AEBP2: variants seen among roughly 807,000 people sequenced by gnomAD.
AEBP2 encodes zinc finger protein AEBP2.
Under a neutral mutation model 50.8 loss-of-function variants are expected in AEBP2, and 10 were observed. That is an observed-to-expected ratio of 0.20 (90% CI 0.12 to 0.33). AEBP2 has a LOEUF of 0.33. Ranked by LOEUF, AEBP2 falls within the 10% of genes least tolerant of loss-of-function variation. The pLI, the probability that AEBP2 is intolerant of heterozygous loss-of-function variation, is 1.00. For synonymous variants in AEBP2, 296 were observed against 261.3 expected, an observed-to-expected ratio of 1.13 and a Z score of -1.28; for missense variants, 570 against 688.0, an observed-to-expected ratio of 0.83 and a Z score of 1.92.
intron 3 of AEBP2, among the ~76,000 whole-genome samples, chr12:19,477,255 G>A (rs1319329099): frequency 6.6e-6 from 1 of 152,088 alleles, no homozygotes; most frequent in East Asian, 1.9e-4. Flanking sequence ...AGCAAACAGC[G>A]ACAGTTTTAT....
At chr12:19,455,213 G>C (rs1210582326) in intron 1 of AEBP2, among the ~76,000 whole-genome samples, 1 of 151,330 alleles carries the variant, frequency 6.6e-6, no homozygotes, top group Non-Finnish European at 1.5e-5. Flanking sequence ...GGTTGCTCTT[G>C]AACTTCCAGC....
chr12:19,512,174 A>G (rs1232659033), intron 5 of AEBP2, among the ~76,000 whole-genome samples: 6 of 151,982 alleles, frequency 3.9e-5, no homozygotes, highest in African/African-American at 1.4e-4. Context: ...GAAGCCCACC[A>G]CCACTCCCGG....
rs60355570 is a variant in AEBP2 at position 19,485,948 on chromosome 12, CTTT to C, written c.988-7834_988-7832del. On this transcript the variant is annotated intron_variant, in intron 3 of 7. Coordinates refer to ENST00000266508, the MANE Select transcript of AEBP2 (RefSeq NM_153207.5). The stretch of plus-strand genomic sequence containing the variant: ...AGGTGATGTTTGAGGTGAGCCTCTG[CTTT>C]TTTTTTTTTTTTTTTTTCATTTTGT... Among the ~76,000 whole-genome samples, 177 of 91,220 alleles carry C rather than the reference CTTT, an allele frequency of 1.9e-3. 1 individual carries two copies. Among genetic ancestry groups the C allele is most frequent in the Admixed American group, 0.011 (92 of 8,320 alleles). 59.8% of individuals were successfully genotyped at this position (91,220 alleles called of 152,430 possible). A position where few individuals can be genotyped will look rare whatever the true frequency, so the allele number is the denominator to read the frequency against.
At chr12:19,438,686 C>G (rs1034070287), upstream of AEBP2, among the ~76,000 whole-genome samples, 5 of 152,058 alleles carry the variant, frequency 3.3e-5, no homozygotes, top group African/African-American at 4.8e-5. Context: ...ATTTTTATTA[C>G]AAGTAAGACG....
chr12:19,500,013 T>G (rs1411472864), intron 4 of AEBP2, 84 bp from the exon 5 acceptor site: 1 of 1,205,680 alleles, frequency 8.3e-7, no homozygotes, highest in Non-Finnish European at 1.2e-6. Context: ...TTGATAGATA[T>G]GTATTTGTTA....
At chr12:19,416,214 C>A (rs2095742502) in intron 1 of AEBP2, among the ~76,000 whole-genome samples, 2 of 152,078 alleles carry the variant, frequency 1.3e-5, no homozygotes, top group Admixed American at 1.3e-4. Flanking sequence ...CAAAACCCAA[C>A]TTTGGTTACT....
chr12:19,444,079 T>C (rs1472869900), intron 1 of AEBP2, among the ~76,000 whole-genome samples: 1 of 152,208 alleles, frequency 6.6e-6, no homozygotes, highest in Non-Finnish European at 1.5e-5. Context: ...GAACTTTTTT[T>C]CTCTTCAGTG....
chr12:19,412,073 G>T (rs2095739500), intron 1 of AEBP2, among the ~76,000 whole-genome samples: 1 of 152,256 alleles, frequency 6.6e-6, no homozygotes, highest in South Asian at 2.1e-4. Flanking sequence ...GCAAGGCTGA[G>T]TTCTTCTTAT....
intron 2 of AEBP2, among the ~76,000 whole-genome samples, chr12:19,463,109 A>T (rs905163206): frequency 6.6e-6 from 1 of 152,146 alleles, no homozygotes; most frequent in Non-Finnish European, 1.5e-5. Flanking sequence ...TGGGGAGACT[A>T]TTGGTACCAG....
intron 4 of AEBP2, among the ~76,000 whole-genome samples, chr12:19,496,543 G>GT (rs1426028935): frequency 2.0e-5 from 3 of 151,922 alleles, no homozygotes; most frequent in African/African-American, 7.3e-5. Flanking sequence ...ACTTTACCTA[G>GT]TATCTTCCTC....
At chr12:19,503,881 G>A (rs1363108112) in intron 5 of AEBP2, among the ~76,000 whole-genome samples, 2 of 151,950 alleles carry the variant, frequency 1.3e-5, no homozygotes, top group Non-Finnish European at 2.9e-5. Flanking sequence ...ATCCAGGCTG[G>A]AGTGCAGTGG....
chr12:19,521,712 C>G lies in AEBP2; in HGVS notation c.*3595C>G, dbSNP rs1356937285. ...CCTTAGTGCTTTTTTCCCCCTTTTA[C>G]ACATTAATAAAATGTTTTAAATATG... On this transcript the variant is annotated 3_prime_UTR_variant, in exon 8 of 8. Coordinates refer to ENST00000266508, the MANE Select transcript of AEBP2 (RefSeq NM_153207.5). 6.6e-6 allele frequency: 1 copy of G among 151,964 alleles called. No individual in the cohort carries two copies. Among genetic ancestry groups the G allele is most frequent in the African/African-American group, 2.4e-5 (1 of 41,400 alleles). 9.4% of individuals were successfully genotyped at this position (151,964 alleles called of 1,614,324 possible).
intron 3 of AEBP2, among the ~76,000 whole-genome samples, chr12:19,476,037 C>A (rs1948644422): frequency 6.6e-6 from 1 of 152,026 alleles, no homozygotes; most frequent in Admixed American, 6.6e-5. Context: ...CTGATTATTT[C>A]TTTTTATGTG....
chr12:19,470,085 A>G (rs1311044327), intron 2 of AEBP2, among the ~76,000 whole-genome samples: 3 of 152,190 alleles, frequency 2.0e-5, no homozygotes, highest in African/African-American at 7.2e-5. Context: ...ATTTTTATCA[A>G]AACGTCGTCC....
upstream of AEBP2, among the ~76,000 whole-genome samples, chr12:19,438,325 A>G (rs1258754056): frequency 1.3e-5 from 2 of 152,228 alleles, no homozygotes; most frequent in Non-Finnish European, 2.9e-5. Context: ...ATATAATGCG[A>G]AAGGCATTCA....
Position 19,440,178 on chromosome 12 carries a change from A to G in AEBP2, c.479A>G (p.Glu160Gly), listed in dbSNP as rs746711559. ...GGGGACGGCAAGGAGGGCCTGGAGGAGCCCAAGGGACCGCGGGGCAGCCAG... is the reference window on the plus strand; with the variant it reads ...GGGGACGGCAAGGAGGGCCTGGAGGGGCCCAAGGGACCGCGGGGCAGCCAG... ...GDGDGKEGLE[E>G]PKGPRGSQGG... Residue 160 changes from glutamate to glycine, a missense_variant, in exon 1 of 8, where the codon GAG (glutamate) becomes GGG (glycine). Around this residue, in one of 2 missense-constraint regions of AEBP2, gnomAD observed 386 missense variants for 336.8 expected, o/e 1.15. Coordinates refer to ENST00000266508, the MANE Select transcript of AEBP2 (RefSeq NM_153207.5). 9.5e-6 allele frequency: 14 copies of G among 1,471,716 alleles called. 1 individual carries two copies. The South Asian group carries it at 1.9e-4, about 19-fold the overall frequency. 91.2% of individuals were successfully genotyped at this position (1,471,716 alleles called of 1,614,324 possible). A position where few individuals can be genotyped will look rare whatever the true frequency, so the allele number is the denominator to read the frequency against.
intron 5 of AEBP2, among the ~76,000 whole-genome samples, chr12:19,501,793 G>GTTTTTTTT (rs1204632203): frequency 2.8e-4 from 10 of 35,212 alleles, no homozygotes; most frequent in African/African-American, 7.0e-4. Flanking sequence ...ATAAAAATGA[G>GTTTTTTTT]TTTGTTTTTT....
Position 19,518,684 on chromosome 12 carries a change from A to T in AEBP2, c.*567A>T. On this transcript the variant is annotated 3_prime_UTR_variant, in exon 8 of 8. Coordinates refer to ENST00000266508, the MANE Select transcript of AEBP2 (RefSeq NM_153207.5). ...TTGTGTTCTTTTGCAGAACTCTGAT[A>T]AGAAAAGTGTTCAATTTGTATTTAA... is the stretch of plus-strand genomic sequence containing the variant. 1.4e-6 allele frequency: 2 copies of T among 1,480,540 alleles called. No individual in the cohort carries two copies. The highest frequency in any genetic ancestry group is 1.8e-6 in the Non-Finnish European group (2 of 1,096,744). The allele number at this position is 1,480,540 out of a possible 1,614,324, so 91.7% of individuals were successfully genotyped here.
intron 3 of AEBP2, among the ~76,000 whole-genome samples, chr12:19,480,010 T>G (rs1948704445): frequency 1.3e-5 from 2 of 152,126 alleles, no homozygotes; most frequent in African/African-American, 2.4e-5. Context: ...TACTGTTGTA[T>G]TCATCATGCT....
Sources: allele counts gnomAD v4.1 joint callset (sites outside exome capture counted in the v4.1 genomes callset), GRCh38; gene constraint gnomAD v4.1.1; regional missense constraint gnomAD v4.1.1; transcripts MANE v1.5; gene names NCBI Gene and HGNC (gene_info 2026-07-23, HGNC 2026-07-21).